KCNAB2: variants seen among roughly 807,000 people sequenced by gnomAD.
The protein encoded by KCNAB2 is voltage-gated potassium channel subunit beta-2.
Under a neutral mutation model 63.6 loss-of-function variants are expected in KCNAB2, and 29 were observed. The observed-to-expected ratio is 0.46, with a 90% CI of 0.34 to 0.62. The LOEUF is 0.62. KCNAB2 is among the 20% of genes least tolerant of loss of function. KCNAB2 has a pLI of 0.01. For missense variants in KCNAB2, 359 were observed against 563.9 expected (o/e 0.64, Z 3.68); for synonymous variants, 222 against 224.2 (o/e 0.99, Z 0.09).
rs1350168175 is a variant in KCNAB2 at position 6,003,895 on chromosome 1, G to T, written c.-53+11107G>T. Among the ~76,000 whole-genome samples the T allele has an allele frequency of 1.3e-5, 2 of 152,246 alleles. No individual in the cohort carries two copies. Among genetic ancestry groups the T allele is most frequent in the African/African-American group, 2.4e-5 (1 of 41,470 alleles). Reference sequence around the variant, plus strand: ...CTTTTTATTCAGCGGGGCCTTTAATGGATGTGGTGGAGTAAAGCTGCCTTT... The same window carrying T: ...CTTTTTATTCAGCGGGGCCTTTAATTGATGTGGTGGAGTAAAGCTGCCTTT... On this transcript the variant is annotated intron_variant, in intron 1 of 16. Transcript: ENST00000341524. The surrounding 1 kb of genome is among the most constrained non-coding windows in gnomAD (Gnocchi z 4.1).
rs1298827097 is a variant in KCNAB2, at chr1:6,098,739, C to A, written c.*165C>A. ...TCTCCCAAGTCGCTGCCAGACACCACCCACTGCTTCGCCGGACAATGTCGA... is the reference window on the plus strand; with the variant it reads ...TCTCCCAAGTCGCTGCCAGACACCAACCACTGCTTCGCCGGACAATGTCGA... On this transcript the variant is annotated 3_prime_UTR_variant, in exon 16 of 16. Coordinates refer to ENST00000378083, the MANE Select transcript of KCNAB2 (RefSeq NM_001199862.2). The A allele has an allele frequency of 5.4e-5, 45 of 838,812 alleles. No homozygotes were observed. The highest frequency in any genetic ancestry group is 7.8e-5 in the Non-Finnish European group (43 of 552,094). 52.0% of individuals were successfully genotyped at this position (838,812 alleles called of 1,614,324 possible).
At chr1:6,063,264 C>A (rs1452482255) in intron 2 of KCNAB2, among the ~76,000 whole-genome samples, 2 of 151,772 alleles carry the variant, frequency 1.3e-5, no homozygotes, top group African/African-American at 4.8e-5. Context: ...ACCTCACGAT[C>A]CACCTGCCTC....
In KCNAB2 at chr1:6,100,057, A is replaced by G. The variant is rs1489946498; in HGVS notation, c.*1483A>G. The G allele has an allele frequency of 6.7e-7, 1 of 1,495,098 alleles. No individual in the cohort carries two copies. 92.6% of individuals were successfully genotyped at this position (1,495,098 alleles called of 1,614,324 possible). On this transcript the variant is annotated 3_prime_UTR_variant, in exon 16 of 16. Coordinates refer to ENST00000378083, the MANE Select transcript of KCNAB2 (RefSeq NM_001199862.2). ...CCTGTGTCTCCTGCCCCCAGGGCGC[A>G]CCCTCAGTGCAGGCACCTCTGTTCC... is the stretch of plus-strand genomic sequence containing the variant.
Position 6,051,542 on chromosome 1 carries a change from G to A in KCNAB2, c.6G>A (p.Leu2=), listed in dbSNP as rs1361640858. 1.3e-6 allele frequency: 2 copies of A among 1,527,496 alleles called. No individual in the cohort carries two copies. The highest frequency in any genetic ancestry group is 8.8e-7 in the Non-Finnish European group (1 of 1,140,832). 94.6% of individuals were successfully genotyped at this position (1,527,496 alleles called of 1,614,324 possible). A position where few individuals can be genotyped will look rare whatever the true frequency, so the allele number is the denominator to read the frequency against. The change falls in exon 2 of 16, where the codon CTG becomes CTA. Residue 2 remains leucine (L), a synonymous_variant. Coordinates refer to ENST00000378083, the MANE Select transcript of KCNAB2 (RefSeq NM_001199862.2). ...CTCCCAAGCCAGGCGGCACCATGCT[G>A]TCCATGACGTACAGCGAGAGTCTGC... The part of the protein sequence containing the change: M[L]SMTYSESLRS...
chr1:6,079,291 G>A (rs150652567), intron 4 of KCNAB2, among the ~76,000 whole-genome samples: 391 of 152,224 alleles, frequency 2.6e-3, no homozygotes, highest in Non-Finnish European at 4.8e-3. Context: ...AGGCTGAGGC[G>A]GGCAGATCAC....
At chr1:6,079,018 G>C (rs1398630056) in intron 4 of KCNAB2, among the ~76,000 whole-genome samples, 1 of 152,192 alleles carries the variant, frequency 6.6e-6, no homozygotes, top group Non-Finnish European at 1.5e-5. Context: ...TCAGATTCTG[G>C]ACTAATTTGC....
In KCNAB2 at chr1:6,099,920, C is replaced by T; in HGVS notation, c.*1346C>T. On this transcript the variant is annotated 3_prime_UTR_variant, in exon 16 of 16. Transcript: ENST00000378083. Reference sequence around the variant, plus strand: ...CAGTAAGTCTGCAGGTGCGGGGTGCCACCTACAGGCCCAGGCCTGTGTCCC... The same window carrying T: ...CAGTAAGTCTGCAGGTGCGGGGTGCTACCTACAGGCCCAGGCCTGTGTCCC... The T allele has an allele frequency of 6.4e-7, 1 of 1,550,414 alleles. No homozygotes were observed. Among genetic ancestry groups the T allele is most frequent in the Non-Finnish European group, 8.7e-7 (1 of 1,146,906 alleles).
intron 15 of KCNAB2, chr1:6,097,757 A>T (rs1323983307): frequency 6.9e-6 from 3 of 434,748 alleles, no homozygotes; most frequent in Non-Finnish European, 1.2e-5. Context: ...ACCTTCCACC[A>T]GCAGGAAGAG....
At position 6,078,960 on chromosome 1, in the gene KCNAB2, C is replaced by T. The variant is rs1358429957; in HGVS notation, c.301-3235C>T. On this transcript the variant is annotated intron_variant, in intron 4 of 15. Coordinates refer to ENST00000378083, the MANE Select transcript of KCNAB2 (RefSeq NM_001199862.2). The surrounding 1 kb of genome is among the most constrained non-coding windows in gnomAD (Gnocchi z 4.2). Reference sequence around the variant, plus strand: ...CTATTGTGAGAAACCACCCAAGAGCCGCTGGAGGCTCAGAGCAGGGTGGGC... The same window carrying T: ...CTATTGTGAGAAACCACCCAAGAGCTGCTGGAGGCTCAGAGCAGGGTGGGC... Among the ~76,000 whole-genome samples the T allele has an allele frequency of 1.3e-5, 2 of 152,176 alleles. No homozygotes were observed. The highest frequency in any genetic ancestry group is 2.9e-5 in the Non-Finnish European group (2 of 68,028).
chr1:6,091,124 GAT>G (rs1164274259), intron 9 of KCNAB2, 137 bp from the exon 10 acceptor site: 15 of 693,540 alleles, frequency 2.2e-5, no homozygotes. Context: ...TGCGTGTGTT[GAT>G]ATATTTTTTT....
intron 10 of KCNAB2, among the ~76,000 whole-genome samples, chr1:6,091,587 G>T (rs543424993): frequency 6.6e-6 from 1 of 152,118 alleles, no homozygotes; most frequent in African/African-American, 2.4e-5. Flanking sequence ...GCGGCCGGGG[G>T]TCCTCTTGAT....
Position 6,091,151 on chromosome 1 carries a change from C to T in KCNAB2, c.602-112C>T, listed in dbSNP as rs942517735. ...TATATTTTTTTCCTTTTTAACTAAACGCGTGTTCTGCACGGTGATTTGTGC... is the reference window on the plus strand; with the variant it reads ...TATATTTTTTTCCTTTTTAACTAAATGCGTGTTCTGCACGGTGATTTGTGC... On this transcript the variant is annotated intron_variant, in intron 9 of 15. Coordinates refer to ENST00000378083, the MANE Select transcript of KCNAB2 (RefSeq NM_001199862.2). 4 of 758,720 alleles carry T rather than the reference C, an allele frequency of 5.3e-6. No homozygotes were observed. In the East Asian group the frequency reaches 1.1e-4, roughly 20 times the overall value. The allele number at this position is 758,720 out of a possible 1,614,324, so 47.0% of individuals were successfully genotyped here.
At chr1:6,043,901 G>A (rs936629934), upstream of KCNAB2, among the ~76,000 whole-genome samples, 4 of 152,178 alleles carry the variant, frequency 2.6e-5, no homozygotes, top group East Asian at 1.9e-4. Flanking sequence ...CCGTGTCTGC[G>A]GGTTGACCAG....
Position 6,040,108 on chromosome 1 carries a change from T to TG in KCNAB2, c.-52-404dup, listed in dbSNP as rs1041776284. The stretch of plus-strand genomic sequence containing the variant: ...CAAGGGACAGTGTCAGCGATGACCC[T>TG]GGGGGACAGCAGTGCAGTCAGGAGC... On this transcript the variant is annotated intron_variant, in intron 1 of 15. Coordinates refer to the KCNAB2 transcript ENST00000164247. Among the ~76,000 whole-genome samples the TG allele has an allele frequency of 2.4e-4, 36 of 152,202 alleles. 1 individual carries two copies. The highest frequency in any genetic ancestry group is 4.4e-5 in the Non-Finnish European group (3 of 68,038).
In KCNAB2 at chr1:6,089,181, G is replaced by A. The variant is rs75695605; in HGVS notation, c.514+130G>A. 3.1e-5 allele frequency: 31 copies of A among 997,674 alleles called. No homozygotes were observed. In the African/African-American group the frequency reaches 5.0e-4, roughly 16 times the overall value. The allele number at this position is 997,674 out of a possible 1,614,324, so 61.8% of individuals were successfully genotyped here. A position where few individuals can be genotyped will look rare whatever the true frequency, so the allele number is the denominator to read the frequency against. ...AGGGCCCAATCCCGGGGCACCCGGT[G>A]CTCTGGCCTGACCTTCTCCTTCCAC... is the stretch of plus-strand genomic sequence containing the variant. On this transcript the variant is annotated intron_variant, in intron 8 of 15. Coordinates refer to ENST00000378083, the MANE Select transcript of KCNAB2 (RefSeq NM_001199862.2).
rs536696519 is a variant in KCNAB2 at position 6,096,242 on chromosome 1, G to C, written c.949-394G>C. On this transcript the variant is annotated intron_variant, in intron 13 of 15. Transcript: ENST00000378083. The surrounding 1 kb of genome is among the most constrained non-coding windows in gnomAD (Gnocchi z 5.9). ...CTCCAGGAGGCCCTGCAATCCTCTG[G>C]GGGGGATGGCCAGGGGAGAGAGCAC... is the stretch of plus-strand genomic sequence containing the variant. The C allele has an allele frequency of 1.1e-4, 47 of 436,724 alleles. 2 individuals carry two copies. Among genetic ancestry groups the C allele is most frequent in the South Asian group, 7.0e-4 (43 of 61,612 alleles). 27.1% of individuals were successfully genotyped at this position (436,724 alleles called of 1,614,324 possible). A position where few individuals can be genotyped will look rare whatever the true frequency, so the allele number is the denominator to read the frequency against.
intron 2 of KCNAB2, among the ~76,000 whole-genome samples, chr1:6,061,110 C>G (rs577571699): frequency 6.6e-6 from 1 of 152,190 alleles, no homozygotes; most frequent in African/African-American, 2.4e-5. Flanking sequence ...CGGAAGCCTC[C>G]GCTACAGCAG....
At chr1:6,098,170 T>C in intron 15 of KCNAB2, 7 of 1,095,894 alleles carry the variant, frequency 6.4e-6, no homozygotes, top group Non-Finnish European at 7.8e-6. Context: ...GAAAAAGCAG[T>C]CACGGACATG....
intron 8 of KCNAB2, 61 bp from the exon 9 acceptor site, chr1:6,090,328 C>A: frequency 8.1e-7 from 1 of 1,233,384 alleles, no homozygotes; most frequent in Non-Finnish European, 1.2e-6. Flanking sequence ...CATGGATGGG[C>A]CCAGGTGCCT....
Sources: allele counts gnomAD v4.1 joint callset (sites outside exome capture counted in the v4.1 genomes callset), GRCh38; gene constraint gnomAD v4.1.1; non-coding constraint Gnocchi (gnomAD v3.1); transcripts MANE v1.5; gene names NCBI Gene and HGNC (gene_info 2026-07-23, HGNC 2026-07-21).